The following SIPA1L3 variants were observed in gnomAD, a reference collection of about 807,000 sequenced individuals.
The protein encoded by SIPA1L3 is signal induced proliferation associated 1 like 3, also known as signal-induced proliferation-associated 1-like protein 3.
In SIPA1L3, 59 loss-of-function variants were observed where a neutral mutation model predicts 150.1. The observed-to-expected ratio is 0.39, with a 90% CI of 0.32 to 0.49. The LOEUF is 0.49. SIPA1L3 is among the 20% of genes least tolerant of loss of function. SIPA1L3 has a pLI of 0.86. For missense variants in SIPA1L3, 2,211 were observed against 2,489.5 expected (o/e 0.89, Z 2.38); for synonymous variants, 1,070 against 1,077.6 (o/e 0.99, Z 0.14).
intron 15 of SIPA1L3, among the ~76,000 whole-genome samples, chr19:38,179,330 T>C (rs1972510611): frequency 6.6e-6 from 1 of 152,162 alleles, no homozygotes; most frequent in African/African-American, 2.4e-5. Context: ...TAATCCCAGC[T>C]ACTCAGGAGG....
chr19:38,021,109 AG>A (rs1180118183), intron 1 of SIPA1L3, among the ~76,000 whole-genome samples: 1 of 151,996 alleles, frequency 6.6e-6, no homozygotes, highest in Non-Finnish European at 1.5e-5. Flanking sequence ...CTTTTAGCTG[AG>A]TCTTTCTGAG....
At chr19:38,124,371 G>GGCC (rs1971116526) in intron 9 of SIPA1L3, among the ~76,000 whole-genome samples, 1 of 149,444 alleles carries the variant, frequency 6.7e-6, no homozygotes. Flanking sequence ...ACGGGGTGGC[G>GGCC]GGGCAGAGGC....
At chr19:38,066,484 T>G (rs1273920044) in intron 2 of SIPA1L3, among the ~76,000 whole-genome samples, 1 of 152,220 alleles carries the variant, frequency 6.6e-6, no homozygotes, top group Non-Finnish European at 1.5e-5. Flanking sequence ...TAGACTGGTG[T>G]TATTATCAGA....
In SIPA1L3 at chr19:38,082,676, G is replaced by T. The variant is rs1355223966; in HGVS notation, c.1111G>T (p.Gly371Cys). 1 of 1,608,666 alleles carries T rather than the reference G, an allele frequency of 6.2e-7. No homozygotes were observed. Among genetic ancestry groups the T allele is most frequent in the Non-Finnish European group, 8.5e-7 (1 of 1,179,188 alleles). Reference protein sequence around the residue: ...SVSQRRNTTTGASAASAASAM... With the variant: ...SVSQRRNTTTCASAASAASAM... ...GTCGCAGCGGCGGAACACCACCACG[G>T]GTGCTTCGGCCGCTTCCGCCGCCTC... Residue 371 changes from glycine (G) to cysteine (C), a missense_variant, in exon 3 of 22, where the codon GGT becomes TGT. Gly to Cys is a radical substitution (Grantham distance 159, BLOSUM62 -3). This residue lies in a region of SIPA1L3 where 587 missense variants were observed against 534.5 expected (regional missense o/e 1.10). Transcript: ENST00000222345.
intron 17 of SIPA1L3, 31 bp from the exon 18 acceptor site, chr19:38,193,506 C>T (rs766094046): frequency 7.0e-7 from 1 of 1,433,360 alleles, no homozygotes; most frequent in Non-Finnish European, 9.1e-7. Context: ...CAGTCTGTGA[C>T]CTCCCCCAAC....
chr19:38,102,736 G>A (rs1016546183), intron 6 of SIPA1L3, among the ~76,000 whole-genome samples: 1 of 152,110 alleles, frequency 6.6e-6, no homozygotes, highest in Non-Finnish European at 1.5e-5. Context: ...GGAGGCTGAG[G>A]CGGGTGGATT....
At chr19:37,956,428 T>G (rs553926652) in intron 1 of SIPA1L3, among the ~76,000 whole-genome samples, 1 of 152,270 alleles carries the variant, frequency 6.6e-6, no homozygotes, top group Admixed American at 6.5e-5. Flanking sequence ...TTTGCAAATA[T>G]TTTTTCCCAG....
intron 12 of SIPA1L3, among the ~76,000 whole-genome samples, chr19:38,151,404 T>C (rs332844): frequency 0.34 from 51,973 of 152,118 alleles, 10,360 homozygotes; most frequent in Middle Eastern, 0.52. Flanking sequence ...AGCTCAGCTA[T>C]GAGCGCTGGT....
chr19:38,189,858 TGA>T (rs1428970646), intron 16 of SIPA1L3, among the ~76,000 whole-genome samples: 2 of 152,126 alleles, frequency 1.3e-5, no homozygotes, highest in Non-Finnish European at 2.9e-5. Flanking sequence ...GAGCTGTGTG[TGA>T]GTTTTCTAAA....
At chr19:38,166,455 C>CAA (rs545670843) in intron 15 of SIPA1L3, among the ~76,000 whole-genome samples, 2 of 104,036 alleles carry the variant, frequency 1.9e-5, no homozygotes, top group Non-Finnish European at 2.0e-5. Flanking sequence ...GACTCTGTCT[C>CAA]AAAAAAAAAA....
At chr19:38,113,652 G>A (rs1970818533) in intron 8 of SIPA1L3, among the ~76,000 whole-genome samples, 1 of 151,938 alleles carries the variant, frequency 6.6e-6, no homozygotes, top group Non-Finnish European at 1.5e-5. Flanking sequence ...TCACGTGGCT[G>A]TTGCCTCCTT....
chr19:38,198,318 G>T (rs1191430831), intron 18 of SIPA1L3, 71 bp from the exon 19 acceptor site: 3 of 1,412,934 alleles, frequency 2.1e-6, no homozygotes, highest in East Asian at 5.4e-5. Flanking sequence ...TAAGCAATGG[G>T]ATGTCTTCAT....
chr19:38,099,481 A>G (rs769820665), intron 4 of SIPA1L3, among the ~76,000 whole-genome samples: 11 of 152,090 alleles, frequency 7.2e-5, no homozygotes, highest in Non-Finnish European at 1.6e-4. Context: ...TGTAATAATG[A>G]CAAGAGCCCA....
At chr19:38,170,328 G>C (rs535198495) in intron 15 of SIPA1L3, among the ~76,000 whole-genome samples, 4 of 152,322 alleles carry the variant, frequency 2.6e-5, no homozygotes, top group African/African-American at 9.6e-5. Context: ...CCAGACCTTG[G>C]TTCAAGTGGC....
At chr19:37,908,262 C>T (rs899565631) in intron 1 of SIPA1L3, among the ~76,000 whole-genome samples, 18 of 152,200 alleles carry the variant, frequency 1.2e-4, no homozygotes, top group African/African-American at 4.1e-4. Context: ...TCAGGTTCCT[C>T]ATTTACAAAA....
At chr19:38,124,413 G>A (rs1199784244) in intron 9 of SIPA1L3, among the ~76,000 whole-genome samples, 1 of 148,316 alleles carries the variant, frequency 6.7e-6, no homozygotes, top group Non-Finnish European at 1.5e-5. Flanking sequence ...GGGCGGCCGG[G>A]CAGAGACGTT....
intron 15 of SIPA1L3, among the ~76,000 whole-genome samples, chr19:38,172,326 AGCG>A (rs1972345984): frequency 1.3e-5 from 2 of 152,220 alleles, no homozygotes; most frequent in Admixed American, 1.3e-4. Flanking sequence ...TGGGGCAGCC[AGCG>A]GGGACTGATT....
intron 2 of SIPA1L3, among the ~76,000 whole-genome samples, chr19:38,077,165 A>C (rs855624): frequency 0.15 from 23,378 of 152,172 alleles, 1,885 homozygotes; most frequent in African/African-American, 0.19. Flanking sequence ...AAAGTCATTG[A>C]GGAGGCTGGG....
chr19:38,095,542 T>C (rs1269325838), intron 4 of SIPA1L3, among the ~76,000 whole-genome samples: 1 of 152,170 alleles, frequency 6.6e-6, no homozygotes, highest in Non-Finnish European at 1.5e-5. Flanking sequence ...GCTCACTTGA[T>C]TTGTTGCCCT....
Sources: gnomAD v4.1 joint callset for allele counts (sites outside exome capture counted in the v4.1 genomes callset) on GRCh38, gnomAD v4.1.1 for gene constraint, gnomAD v4.1.1 regional missense constraint, MANE v1.5 for transcripts, NCBI Gene and HGNC (gene_info 2026-07-23, HGNC 2026-07-21) for gene names.